CMIP: variants seen among roughly 807,000 people sequenced by gnomAD.
CMIP encodes the protein c-Maf inducing protein.
Under a neutral mutation model 97.3 loss-of-function variants are expected in CMIP, and 13 were observed. The observed-to-expected ratio is 0.13, with a 90% CI of 0.09 to 0.21. CMIP has a LOEUF of 0.21. Among genes scored for constraint, CMIP ranks in the 10% least tolerant of loss-of-function variants. CMIP has a pLI of 1.00. For synonymous variants in CMIP, 538 were observed against 436.3 expected, an observed-to-expected ratio of 1.23 and a Z score of -2.91; for missense variants, 847 against 1,024.9, an observed-to-expected ratio of 0.83 and a Z score of 2.37.
At chr16:81,511,032 A>T (rs371660808) in intron 1 of CMIP, among the ~76,000 whole-genome samples, 8 of 152,214 alleles carry the variant, frequency 5.3e-5, no homozygotes, top group African/African-American at 1.7e-4. Context: ...ACTTTGGGAA[A>T]TTTTAAAACA....
chr16:81,690,582 C>T (rs773159118), intron 10 of CMIP, among the ~76,000 whole-genome samples: 2 of 152,318 alleles, frequency 1.3e-5, no homozygotes, highest in African/African-American at 4.8e-5. Context: ...CAGCTCACTG[C>T]GGCCTCCGCC....
chr16:81,570,910 T>C (rs1422956984), intron 1 of CMIP, among the ~76,000 whole-genome samples: 1 of 152,032 alleles, frequency 6.6e-6, no homozygotes, highest in Non-Finnish European at 1.5e-5. Context: ...CAGAGGAGCC[T>C]GCGGACACGT....
At chr16:81,613,331 A>AT (rs34630542) in intron 2 of CMIP, among the ~76,000 whole-genome samples, 36,667 of 151,982 alleles carry the variant, frequency 0.24, 4,570 homozygotes, top group African/African-American at 0.3. Flanking sequence ...AGGAGCTCAG[A>AT]TGCATTGCTT....
intron 15 of CMIP, among the ~76,000 whole-genome samples, chr16:81,700,134 G>A (rs1176330047): frequency 1.3e-5 from 2 of 152,152 alleles, no homozygotes; most frequent in African/African-American, 2.4e-5. Context: ...GTACCTGGGC[G>A]CAGCTACGCA....
chr16:81,481,559 G>A (rs1439414438), intron 1 of CMIP, among the ~76,000 whole-genome samples: 2 of 152,174 alleles, frequency 1.3e-5, no homozygotes, highest in South Asian at 2.1e-4. Flanking sequence ...GGGCCAGAGC[G>A]GCTCCCAGAG....
At chr16:81,705,737 A>G (rs1908061483) in intron 19 of CMIP, 133 bp downstream of exon 19, 5 of 609,430 alleles carry the variant, frequency 8.2e-6, no homozygotes, top group Admixed American at 2.8e-5. Flanking sequence ...AAACGTGTTC[A>G]CTGCACACCT....
At chr16:81,549,354 G>C (rs1431815551) in intron 1 of CMIP, among the ~76,000 whole-genome samples, 2 of 152,218 alleles carry the variant, frequency 1.3e-5, no homozygotes, top group Non-Finnish European at 2.9e-5. Context: ...GGGGCCGTTG[G>C]TTTCACATCT....
intron 1 of CMIP, among the ~76,000 whole-genome samples, chr16:81,551,382 A>G (rs2090655826): frequency 6.6e-6 from 1 of 152,272 alleles, no homozygotes. Flanking sequence ...GCAAGTGACA[A>G]ATGGGACAAT....
intron 1 of CMIP, among the ~76,000 whole-genome samples, chr16:81,470,225 C>T (rs1466442016): frequency 6.6e-6 from 1 of 152,256 alleles, no homozygotes; most frequent in Non-Finnish European, 1.5e-5. Context: ...CTGCTGCTTC[C>T]ACATTTGAGA....
At chr16:81,622,730 C>G (rs1026394203) in intron 3 of CMIP, among the ~76,000 whole-genome samples, 5 of 152,216 alleles carry the variant, frequency 3.3e-5, no homozygotes, top group African/African-American at 1.2e-4. Flanking sequence ...GCTCTGTTTT[C>G]TGCCTTTCCC....
chr16:81,470,772 G>C (rs764786868), intron 1 of CMIP, among the ~76,000 whole-genome samples: 22 of 152,252 alleles, frequency 1.4e-4, no homozygotes, highest in Non-Finnish European at 2.6e-4. Flanking sequence ...TTGGGATTTT[G>C]TAAGTAGAAA....
chr16:81,678,316 G>C lies in CMIP; in HGVS notation c.1076G>C (p.Cys359Ser), dbSNP rs1567655883. The stretch of plus-strand genomic sequence containing the variant: ...AGCCTGAAGGAAATCCGGAACGGCT[G>C]CCAGCAGCCGTGCGACCGGAAGCCC... ...SPSLKEIRNG[C>S]QQPCDRKPTL... is the part of the protein sequence containing the mutation. Residue 359 changes from cysteine to serine, a missense_variant, in exon 10 of 21, where the codon TGC becomes TCC. Cys to Ser is a moderately radical substitution (Grantham distance 112). Around this residue, in one of 4 missense-constraint regions of CMIP, gnomAD observed 285 missense variants for 392.2 expected, o/e 0.73. Transcript: ENST00000537098. The C allele has an allele frequency of 6.2e-7, 1 of 1,609,204 alleles. No homozygotes were observed.
rs147457744 is a variant in CMIP, at chr16:81,530,101, G to A, written c.301-77466G>A. ...AAAGAGTCCATCTTTCAGTCAGGCC[G>A]CTATAAATTTATCTCTATAGATCAT... On this transcript the variant is annotated intron_variant, in intron 1 of 20. Transcript: ENST00000537098. 1.1e-3 allele frequency among the ~76,000 whole-genome samples: 161 copies of A among 152,288 alleles called. 1 individual carries two copies. Among genetic ancestry groups the A allele is most frequent in the African/African-American group, 3.4e-3 (143 of 41,562 alleles).
At chr16:81,538,685 G>A (rs1471614805) in intron 1 of CMIP, among the ~76,000 whole-genome samples, 1 of 152,180 alleles carries the variant, frequency 6.6e-6, no homozygotes, top group Non-Finnish European at 1.5e-5. Flanking sequence ...TCACACTGAT[G>A]TTGAGTCCAC....
At chr16:81,537,535 C>CA (rs1295846212) in intron 1 of CMIP, among the ~76,000 whole-genome samples, 37 of 49,096 alleles carry the variant, frequency 7.5e-4, no homozygotes, top group African/African-American at 2.5e-3. Context: ...ACTCCGTCTC[C>CA]AAAAAAAAGA....
intron 11 of CMIP, 41 bp from the exon 12 acceptor site, chr16:81,693,117 G>A (rs370427345): frequency 2.6e-5 from 41 of 1,572,294 alleles, no homozygotes; most frequent in Middle Eastern, 3.3e-4. Context: ...TGTTTCCGAC[G>A]CTTCTGTTAA....
intron 3 of CMIP, among the ~76,000 whole-genome samples, chr16:81,635,172 T>C (rs1225124124): frequency 6.6e-6 from 1 of 152,176 alleles, no homozygotes; most frequent in Non-Finnish European, 1.5e-5. Context: ...TGCCACCTTA[T>C]ATTAATGATT....
At chr16:81,592,457 C>A (rs950948200) in intron 1 of CMIP, among the ~76,000 whole-genome samples, 1 of 152,230 alleles carries the variant, frequency 6.6e-6, no homozygotes, top group African/African-American at 2.4e-5. Flanking sequence ...CAGCCCTCCC[C>A]GTGTTCCAGG....
chr16:81,574,349 A>G (rs954013440), intron 1 of CMIP, among the ~76,000 whole-genome samples: 4 of 152,250 alleles, frequency 2.6e-5, no homozygotes, highest in Non-Finnish European at 5.9e-5. Flanking sequence ...CAACAACTTC[A>G]CAGCCCCAGG....
Sources: allele counts gnomAD v4.1 joint callset (sites outside exome capture counted in the v4.1 genomes callset), GRCh38; gene constraint gnomAD v4.1.1; regional missense constraint gnomAD v4.1.1; transcripts MANE v1.5; gene names NCBI Gene and HGNC (gene_info 2026-07-23, HGNC 2026-07-21).